The following HEATR1 variants were observed in gnomAD, a reference collection of about 807,000 sequenced individuals.
The protein encoded by HEATR1 is HEAT repeat-containing protein 1.
A neutral mutation model predicts 248.2 loss-of-function variants in HEATR1; 77 were observed. The ratio of observed to expected loss-of-function variants is 0.31; its 90% CI spans 0.26 to 0.37. The LOEUF (loss-of-function observed/expected upper bound fraction) is 0.37. Ranked by LOEUF, HEATR1 falls within the 10% of genes least tolerant of loss-of-function variation. The pLI is 1.00. For synonymous variants in HEATR1, 897 were observed against 923.1 expected, an observed-to-expected ratio of 0.97 and a Z score of 0.51; for missense variants, 2,420 against 2,504.9, an observed-to-expected ratio of 0.97 and a Z score of 0.72.
Position 236,600,118 on chromosome 1 carries a change from A to ATTTT in HEATR1, c.360-498_360-495dup, listed in dbSNP as rs67344658. 9.5e-4 allele frequency among the ~76,000 whole-genome samples: 48 copies of ATTTT among 50,322 alleles called. 3 individuals are homozygous for ATTTT. The highest frequency in any genetic ancestry group is 2.5e-3 in the African/African-American group (31 of 12,592). The allele number at this position is 50,322 out of a possible 152,430, so 33.0% of individuals were successfully genotyped here. A position where few individuals can be genotyped will look rare whatever the true frequency, so the allele number is the denominator to read the frequency against. ...GTGTTGCCCAGGCTGGTCTGTCAAC[A>ATTTT]TTTTTTTTTTTTTTTTTTTTTTTTT... On this transcript the variant is annotated intron_variant, in intron 3 of 44. Transcript: ENST00000366582.
intron 37 of HEATR1, 98 bp downstream of exon 37, chr1:236,557,097 G>A (rs1662998189): frequency 5.5e-6 from 7 of 1,269,102 alleles, no homozygotes; most frequent in Middle Eastern, 5.5e-4. Context: ...TCTGTCAAAC[G>A]GAAACTAACC....
At chr1:236,590,549 A>G (rs1214282255) in intron 12 of HEATR1, among the ~76,000 whole-genome samples, 1 of 152,232 alleles carries the variant, frequency 6.6e-6, no homozygotes, top group Admixed American at 6.5e-5. Context: ...TCAAAACTAA[A>G]AAAATTCTCA....
intron 33 of HEATR1, among the ~76,000 whole-genome samples, chr1:236,560,277 A>G (rs1663096181): frequency 6.6e-6 from 1 of 152,142 alleles, no homozygotes; most frequent in Non-Finnish European, 1.5e-5. Context: ...CATTTATATA[A>G]AGAGAAATAT....
chr1:236,571,221 G>C (rs1663415847), intron 28 of HEATR1, 130 bp downstream of exon 28: 1 of 1,124,108 alleles, frequency 8.9e-7, no homozygotes, highest in East Asian at 2.7e-5. Flanking sequence ...AGGCAGGGCT[G>C]AGAGTCTCAC....
chr1:236,555,114 C>G, intron 41 of HEATR1, among the ~76,000 whole-genome samples, 182 bp downstream of exon 41: 1 of 152,262 alleles, frequency 6.6e-6, no homozygotes, highest in Non-Finnish European at 1.5e-5. Flanking sequence ...TTATAACATT[C>G]GCTCATGATG....
chr1:236,572,750 T>G lies in HEATR1; in HGVS notation c.3538A>C (p.Lys1180Gln). The G allele has an allele frequency of 6.2e-7, 1 of 1,614,070 alleles. No individual in the cohort carries two copies. Among genetic ancestry groups the G allele is most frequent in the African/African-American group, 1.3e-5 (1 of 75,064 alleles). ...KAKPLGTVQQKRRQKMQQKKS... is the reference protein window; with the variant it reads ...KAKPLGTVQQQRRQKMQQKKS... ...TTCTGCTGCATTTTTTGCCTTCTTTTTTGCTGAACTGTGCCCAAGGGTTTA... is the reference window on the plus strand; with the variant it reads ...TTCTGCTGCATTTTTTGCCTTCTTTGTTGCTGAACTGTGCCCAAGGGTTTA... The change falls in exon 25 of 45, where the codon AAA (lysine) becomes CAA (glutamine). Residue 1180 changes from lysine (K) to glutamine (Q), a missense_variant. Coordinates refer to ENST00000366582, the MANE Select transcript of HEATR1 (RefSeq NM_018072.6).
chr1:236,567,351 G>A (rs1190407219), intron 29 of HEATR1, among the ~76,000 whole-genome samples: 1 of 152,176 alleles, frequency 6.6e-6, no homozygotes, highest in Non-Finnish European at 1.5e-5. Context: ...GCGCTACTTA[G>A]CCCCAAGGGG....
In HEATR1 at chr1:236,595,999, T is replaced by C. The variant is rs1427804500; in HGVS notation, c.790A>G (p.Ile264Val). The C allele has an allele frequency of 2.4e-5, 39 of 1,613,664 alleles. No homozygotes were observed. Among genetic ancestry groups the C allele is most frequent in the Non-Finnish European group, 3.1e-5 (37 of 1,179,716 alleles). Residue 264 changes from isoleucine (I) to valine (V), a missense_variant, in exon 7 of 45, where the codon ATA (isoleucine) becomes GTA (valine). Physicochemically the swap from Ile to Val is conservative, Grantham distance 29. Coordinates refer to ENST00000366582, the MANE Select transcript of HEATR1 (RefSeq NM_018072.6). The part of the protein sequence containing the change: ...LPDYRAATYM[I>V]ICQISVKVTM... The stretch of plus-strand genomic sequence containing the variant: ...ACTTTCACAGAAATCTGACATATTA[T>C]CATGTATGTTGCAGCTCTGTAATCT...
At chr1:236,570,571 C>T (rs560909220) in intron 28 of HEATR1, among the ~76,000 whole-genome samples, 56 of 151,872 alleles carry the variant, frequency 3.7e-4, no homozygotes, top group Non-Finnish European at 7.4e-4. Flanking sequence ...TCAAGTAGAT[C>T]GTGGTGGTGA....
Position 236,595,622 on chromosome 1 carries a change from C to T in HEATR1, c.1008G>A (p.Gly336=). The change falls in exon 8 of 45, where the codon GGG becomes GGA. Residue 336 remains glycine, a synonymous_variant. Coordinates refer to ENST00000366582, the MANE Select transcript of HEATR1 (RefSeq NM_018072.6). ...NVPDLITILH[G]ISETYDVSPL... is the part of the protein sequence containing the mutation. ...GACTGACATCGTAAGTTTCAGAAAT[C>T]CCATGAAGTATTGTAATAAGATCAG... 2 of 1,610,744 alleles carry T rather than the reference C, an allele frequency of 1.2e-6. No individual in the cohort carries two copies. The highest frequency in any genetic ancestry group is 3.3e-4 in the Middle Eastern group (2 of 6,060).
In HEATR1 at chr1:236,576,814, T is replaced by C. The variant is rs1221082885; in HGVS notation, c.2891A>G (p.Glu964Gly). ...ATAGGCAGCATCTGAAGTGATCTCC[T>C]CTGCTTTAGAAATCAAATGATCTAT... ...LIIDHLISKA[E>G]EITSDAAYVI... Residue 964 changes from glutamate to glycine, a missense_variant, in exon 21 of 45, where the codon GAG becomes GGG. Physicochemically the swap from Glu to Gly is moderately conservative, Grantham distance 98. Transcript: ENST00000366582. The C allele has an allele frequency of 6.2e-6, 10 of 1,613,960 alleles. No individual in the cohort carries two copies. Among genetic ancestry groups the C allele is most frequent in the Non-Finnish European group, 8.5e-6 (10 of 1,179,942 alleles).
At chr1:236,602,970 T>A in intron 3 of HEATR1, 190 bp downstream of exon 3, 1 of 582,028 alleles carries the variant, frequency 1.7e-6, no homozygotes. Context: ...TCACCAGTAG[T>A]TCTACTTTTC....
At chr1:236,552,160 A>T in intron 43 of HEATR1, 53 bp from the exon 44 acceptor site, 1 of 1,203,208 alleles carries the variant, frequency 8.3e-7, no homozygotes, top group Non-Finnish European at 1.2e-6. Context: ...TGTATTTATT[A>T]TCTTAAGAGC....
At chr1:236,587,354 T>C in intron 14 of HEATR1, 48 bp downstream of exon 14, 1 of 896,162 alleles carries the variant, frequency 1.1e-6, no homozygotes, top group Non-Finnish European at 1.6e-6. Context: ...GAACTTGATA[T>C]AAGAACTTCA....
chr1:236,585,988 C>CA (rs1207905076), intron 15 of HEATR1, 47 bp from the exon 16 acceptor site: 3 of 1,600,418 alleles, frequency 1.9e-6, no homozygotes, highest in African/African-American at 1.3e-5. Flanking sequence ...CACCAACACT[C>CA]AAAGAATCAC....
intron 28 of HEATR1, 137 bp downstream of exon 28, chr1:236,571,214 C>G: frequency 9.4e-7 from 1 of 1,060,036 alleles, no homozygotes; most frequent in Non-Finnish European, 1.3e-6. Context: ...TATGAAGAGG[C>G]AGGGCTGAGA....
At chr1:236,573,130 A>G (rs1410823937) in intron 24 of HEATR1, among the ~76,000 whole-genome samples, 1 of 152,088 alleles carries the variant, frequency 6.6e-6, no homozygotes, top group Non-Finnish European at 1.5e-5. Context: ...TTTCTATACA[A>G]TTTGTCTTGG....
At position 236,566,731 on chromosome 1, in the gene HEATR1, G is replaced by A; in HGVS notation, c.4223C>T (p.Ala1408Val). Residue 1408 changes from alanine (A) to valine (V), a missense_variant, in exon 30 of 45, where the codon GCA (alanine) becomes GTA (valine). By Grantham distance (64) the Ala-to-Val change is moderately conservative (BLOSUM62 0). Coordinates refer to ENST00000366582, the MANE Select transcript of HEATR1 (RefSeq NM_018072.6). The stretch of plus-strand genomic sequence containing the variant: ...GAGGAGAATCCAGAGGAATTTCTCT[G>A]CACCCAGTGTATCAACAAGTTGAAC... ...ILVQLVDTLG[A>V]EKFLWILLIL... 1 of 1,614,116 alleles carries A rather than the reference G, an allele frequency of 6.2e-7. No homozygotes were observed.
At position 236,549,016 on chromosome 1, in the gene HEATR1, A is replaced by AGAT. The variant is rs896298493; in HGVS notation, c.*1883_*1885dup. 3.1e-4 allele frequency: 122 copies of AGAT among 398,632 alleles called. 1 individual carries two copies. The highest frequency in any genetic ancestry group is 2.4e-3 in the African/African-American group (118 of 48,762). 24.7% of individuals were successfully genotyped at this position (398,632 alleles called of 1,614,324 possible). On this transcript the variant is annotated 3_prime_UTR_variant, in exon 45 of 45. Coordinates refer to ENST00000366582, the MANE Select transcript of HEATR1 (RefSeq NM_018072.6). Reference sequence around the variant, plus strand: ...AGAGGCAAGATGCATTCAATTTGAAAGATATTTATGGGCAACAAAGTAAGG... The same window carrying AGAT: ...AGAGGCAAGATGCATTCAATTTGAAAGATGATATTTATGGGCAACAAAGTAAGG...
Sources: allele counts gnomAD v4.1 joint callset (sites outside exome capture counted in the v4.1 genomes callset), GRCh38; gene constraint gnomAD v4.1.1; transcripts MANE v1.5; gene names NCBI Gene and HGNC (gene_info 2026-07-23, HGNC 2026-07-21).